Variants in FGF14 observed in about 807,000 individuals in gnomAD.
FGF14 encodes fibroblast growth factor homologous factor 4.
A neutral mutation model predicts 25.5 loss-of-function variants in FGF14; 5 were observed. That is an observed-to-expected ratio of 0.20 (90% confidence interval 0.10 to 0.41). FGF14 has a LOEUF of 0.41. Ranked by LOEUF, FGF14 falls within the 10% of genes least tolerant of loss-of-function variation. The pLI is 1.00. For synonymous variants in FGF14, 138 were observed against 118.3 expected, an observed-to-expected ratio of 1.17 and a Z score of -1.08; for missense variants, 222 against 320.1, an observed-to-expected ratio of 0.69 and a Z score of 2.34.
chr13:102,067,101 T>A (rs2042935145), intron 1 of FGF14, among the ~76,000 whole-genome samples: 1 of 152,174 alleles, frequency 6.6e-6, no homozygotes, highest in South Asian at 2.1e-4. Context: ...GAAGTCACAT[T>A]TTCCCCCACA....
chr13:102,224,418 C>G (rs1411609818), intron 1 of FGF14, among the ~76,000 whole-genome samples: 1 of 152,058 alleles, frequency 6.6e-6, no homozygotes, highest in Non-Finnish European at 1.5e-5. Flanking sequence ...ACCGTGTGCT[C>G]AGGGTTATAG....
intron 1 of FGF14, among the ~76,000 whole-genome samples, chr13:102,284,665 T>C (rs1390558466): frequency 6.6e-6 from 1 of 152,098 alleles, no homozygotes; most frequent in Non-Finnish European, 1.5e-5. Flanking sequence ...CAGAAAGCCA[T>C]CTGAGTTCGA....
At chr13:102,226,366 A>G (rs1328735373) in intron 1 of FGF14, among the ~76,000 whole-genome samples, 2 of 152,330 alleles carry the variant, frequency 1.3e-5, no homozygotes, top group East Asian at 3.9e-4. Context: ...AAAGAGCTCC[A>G]TAAATAATAG....
chr13:102,191,643 C>T (rs1647891923), intron 1 of FGF14, among the ~76,000 whole-genome samples: 1 of 152,124 alleles, frequency 6.6e-6, no homozygotes, highest in South Asian at 2.1e-4. Flanking sequence ...TGCCCTAGAC[C>T]CCCAAGATGT....
intron 1 of FGF14, among the ~76,000 whole-genome samples, chr13:102,159,445 A>C (rs1016250063): frequency 2.6e-5 from 4 of 152,166 alleles, no homozygotes; most frequent in Non-Finnish European, 4.4e-5. Context: ...AGAATTCCTC[A>C]TTAATTGTAG....
intron 1 of FGF14, among the ~76,000 whole-genome samples, chr13:102,273,514 A>G (rs1422729905): frequency 6.6e-6 from 1 of 152,194 alleles, no homozygotes; most frequent in African/African-American, 2.4e-5. Flanking sequence ...TGAAAAGTGA[A>G]TTTTGTGATC....
chr13:101,877,283 T>C (rs2045453756), intron 1 of FGF14, among the ~76,000 whole-genome samples: 1 of 152,206 alleles, frequency 6.6e-6, no homozygotes, highest in African/African-American at 2.4e-5. Context: ...CAAATTGATT[T>C]TGATTCATCT....
intron 1 of FGF14, among the ~76,000 whole-genome samples, chr13:102,150,780 T>C (rs1471661814): frequency 6.6e-6 from 1 of 152,220 alleles, no homozygotes; most frequent in African/African-American, 2.4e-5. Context: ...GAGACATTTT[T>C]GGTTGTCAGC....
intron 1 of FGF14, chr13:102,373,774 C>T (rs950467271): frequency 2.6e-5 from 4 of 152,104 alleles, no homozygotes; most frequent in Admixed American, 6.6e-5. Context: ...TGCTCATCTT[C>T]AGAGGAGTTC....
chr13:102,255,349 T>C (rs149420413), intron 1 of FGF14, among the ~76,000 whole-genome samples: 11 of 152,328 alleles, frequency 7.2e-5, no homozygotes, highest in African/African-American at 2.6e-4. Context: ...CCAAAAATTG[T>C]TGAAAAATAA....
rs1273683872 is a variant in FGF14, at chr13:101,721,884, A to AATT, written c.*944_*946dup. On this transcript the variant is annotated 3_prime_UTR_variant, in exon 5 of 5. Coordinates refer to ENST00000376143, the MANE Select transcript of FGF14 (RefSeq NM_004115.4). ...TTTTTTTTTTTTTCCAAATAATGAG[A>AATT]ATTAATAGATGAAAAATGAACCTTA... is the stretch of plus-strand genomic sequence containing the variant. The AATT allele has an allele frequency of 1.3e-5, 2 of 151,208 alleles. No homozygotes were observed. The highest frequency in any genetic ancestry group is 6.6e-5 in the Admixed American group (1 of 15,184). 9.4% of individuals were successfully genotyped at this position (151,208 alleles called of 1,614,324 possible).
intron 1 of FGF14, among the ~76,000 whole-genome samples, chr13:102,142,880 C>T (rs2046700147): frequency 6.6e-6 from 1 of 152,146 alleles, no homozygotes; most frequent in African/African-American, 2.4e-5. Context: ...AGCTTAGTCC[C>T]TTCCAATGTT....
intron 3 of FGF14, among the ~76,000 whole-genome samples, chr13:101,868,174 T>C (rs1489338781): frequency 6.6e-6 from 1 of 152,204 alleles, no homozygotes; most frequent in Non-Finnish European, 1.5e-5. Flanking sequence ...ACAGCATATC[T>C]GAGTGCAAAT....
intron 1 of FGF14, among the ~76,000 whole-genome samples, chr13:102,087,579 T>TC (rs2140229972): frequency 1.8e-5 from 1 of 56,488 alleles, no homozygotes; most frequent in East Asian, 3.6e-4. Context: ...GCCTGGCTTT[T>TC]TTTTTTTTTT....
At chr13:102,064,631 T>C (rs1290346147) in intron 1 of FGF14, among the ~76,000 whole-genome samples, 1 of 151,942 alleles carries the variant, frequency 6.6e-6, no homozygotes, top group Non-Finnish European at 1.5e-5. Context: ...AAATTCAAAT[T>C]TGTGTAAGTC....
chr13:101,747,925 TGCACCAGAAAGAA>T (rs1482574755), intron 3 of FGF14, among the ~76,000 whole-genome samples: 1 of 151,892 alleles, frequency 6.6e-6, no homozygotes, highest in African/African-American at 2.4e-5. Context: ...GATATCATCT[TGCACCAGAAAGAA>T]TAATTATCAT....
At chr13:102,287,663 C>T (rs1038891889) in intron 1 of FGF14, among the ~76,000 whole-genome samples, 2 of 152,168 alleles carry the variant, frequency 1.3e-5, no homozygotes, top group Admixed American at 1.3e-4. Flanking sequence ...ATCTGAAAGG[C>T]TGAAGAAGAG....
intron 1 of FGF14, among the ~76,000 whole-genome samples, chr13:101,910,025 T>C (rs1021760346): frequency 6.7e-6 from 1 of 150,028 alleles, no homozygotes; most frequent in South Asian, 2.1e-4. Flanking sequence ...TTCTCACTCA[T>C]AGGTGGGAAT....
intron 1 of FGF14, among the ~76,000 whole-genome samples, chr13:102,000,652 T>C (rs774865305): frequency 6.6e-5 from 10 of 152,338 alleles, no homozygotes; most frequent in Non-Finnish European, 1.3e-4. Context: ...TAGTCCATAC[T>C]TTTTGCTTTC....
Sources: gnomAD v4.1 joint callset for allele counts (sites outside exome capture counted in the v4.1 genomes callset) on GRCh38, gnomAD v4.1.1 for gene constraint, MANE v1.5 for transcripts, NCBI Gene and HGNC (gene_info 2026-07-23, HGNC 2026-07-21) for gene names.